MDGA2: variants seen among roughly 807,000 people sequenced by gnomAD.
MDGA2 encodes MAM domain-containing glycosylphosphatidylinositol anchor protein 2.
MDGA2 carries 40 observed loss-of-function variants against 117.8 expected under a neutral mutation model. That is an observed-to-expected ratio of 0.34 (90% confidence interval 0.26 to 0.44). MDGA2 has a LOEUF of 0.44. Among genes scored for constraint, MDGA2 ranks in the 20% least tolerant of loss-of-function variants. The pLI is 1.00. For synonymous variants in MDGA2, 452 were observed against 439.0 expected (o/e 1.03, Z -0.37); for missense variants, 1,123 against 1,250.6 (o/e 0.90, Z 1.54).
intron 7 of MDGA2, among the ~76,000 whole-genome samples, chr14:47,059,701 G>T (rs1179394925): frequency 6.6e-6 from 1 of 152,004 alleles, no homozygotes; most frequent in East Asian, 1.9e-4. Context: ...TTAGATAAAA[G>T]CATTGATTCT....
At position 46,873,499 on chromosome 14, in the gene MDGA2, G is replaced by A; in HGVS notation, c.2686C>T (p.Pro896Ser). ...SPVFSIAPKNPYGPTNTAYCF... is the reference protein window; with the variant it reads ...SPVFSIAPKNSYGPTNTAYCF... The stretch of plus-strand genomic sequence containing the variant: ...TATGCAGTGTTTGTGGGTCCATAAG[G>A]GTTTTTGGGAGCTATGCTGAAAACA... Residue 896 changes from proline to serine, a missense_variant, in exon 14 of 17, where the codon CCT (proline) becomes TCT (serine). This residue lies in a region of MDGA2 where 890 missense variants were observed against 1,050.3 expected (regional missense o/e 0.85). Coordinates refer to ENST00000399232, the MANE Select transcript of MDGA2 (RefSeq NM_001113498.3). 1 of 1,612,544 alleles carries A rather than the reference G, an allele frequency of 6.2e-7. No homozygotes were observed. The highest frequency in any genetic ancestry group is 1.1e-5 in the South Asian group (1 of 91,040).
intron 4 of MDGA2, among the ~76,000 whole-genome samples, chr14:47,133,118 A>AAAC (rs796165368): frequency 1.3e-5 from 2 of 150,742 alleles, no homozygotes; most frequent in African/African-American, 4.9e-5. Context: ...AAAAAAAAAA[A>AAAC]AAACAAACAA....
At chr14:47,353,367 A>G (rs1470202355) in intron 1 of MDGA2, among the ~76,000 whole-genome samples, 1 of 152,174 alleles carries the variant, frequency 6.6e-6, no homozygotes, top group Non-Finnish European at 1.5e-5. Flanking sequence ...ATTGTGTCGG[A>G]TGTATGGTCA....
rs111339990 is a variant in MDGA2 at position 47,139,841 on chromosome 14, T to C, written c.792+4237A>G. ...ACACATATATATACACATATATATA[T>C]ACACACATATATATACACATATATA... is the stretch of plus-strand genomic sequence containing the variant. On this transcript the variant is annotated intron_variant, in intron 4 of 16. Coordinates refer to ENST00000399232, the MANE Select transcript of MDGA2 (RefSeq NM_001113498.3). Among the ~76,000 whole-genome samples the C allele has an allele frequency of 7.6e-5, 11 of 145,110 alleles. No homozygotes were observed. In the East Asian group the frequency reaches 8.0e-4, roughly 11 times the overall value.
chr14:47,457,192 T>C (rs548314896), intron 1 of MDGA2, among the ~76,000 whole-genome samples: 15 of 152,330 alleles, frequency 9.8e-5, no homozygotes, highest in South Asian at 2.1e-4. Flanking sequence ...TTAATGTTTC[T>C]TCTTGGAATA....
intron 7 of MDGA2, among the ~76,000 whole-genome samples, chr14:47,053,862 T>C (rs574419342): frequency 9.9e-5 from 15 of 151,792 alleles, no homozygotes; most frequent in African/African-American, 3.6e-4. Context: ...TTGCAAATAT[T>C]CCAAATTGCC....
intron 1 of MDGA2, chr14:47,626,653 G>C (rs541963086): frequency 1.1e-3 from 170 of 152,670 alleles, no homozygotes; most frequent in Non-Finnish European, 1.8e-3. Flanking sequence ...CACTGGGAGC[G>C]GCCGGCCAGC....
At chr14:47,349,876 T>G (rs1463365604) in intron 1 of MDGA2, among the ~76,000 whole-genome samples, 1 of 152,208 alleles carries the variant, frequency 6.6e-6, no homozygotes, top group African/African-American at 2.4e-5. Flanking sequence ...TGGCCCTCCT[T>G]TGCCTGCTGC....
chr14:46,904,799 G>A (rs538435024), intron 10 of MDGA2, among the ~76,000 whole-genome samples: 1 of 152,104 alleles, frequency 6.6e-6, no homozygotes. Flanking sequence ...GATGAAACTC[G>A]ACTAGAAACC....
intron 1 of MDGA2, among the ~76,000 whole-genome samples, chr14:47,442,969 T>G (rs984108268): frequency 6.6e-6 from 1 of 152,158 alleles, no homozygotes; most frequent in Non-Finnish European, 1.5e-5. Context: ...AGTTATCAGA[T>G]GGACTGTCAC....
intron 1 of MDGA2, among the ~76,000 whole-genome samples, chr14:47,304,726 TG>T (rs1889388224): frequency 6.6e-6 from 1 of 152,176 alleles, no homozygotes; most frequent in Admixed American, 6.5e-5. Flanking sequence ...TCGCTGTGCA[TG>T]GGTGGCATTT....
At chr14:47,592,410 A>C (rs1344400803) in intron 1 of MDGA2, among the ~76,000 whole-genome samples, 1 of 152,210 alleles carries the variant, frequency 6.6e-6, no homozygotes, top group Non-Finnish European at 1.5e-5. Flanking sequence ...ATACAGAACC[A>C]AAACAGAGCC....
At chr14:47,289,416 G>A (rs760188747) in intron 2 of MDGA2, among the ~76,000 whole-genome samples, 1 of 149,250 alleles carries the variant, frequency 6.7e-6, no homozygotes, top group African/African-American at 2.5e-5. Context: ...ATCATTTCAT[G>A]ATTAAAAAAG....
In MDGA2 at chr14:47,059,192, T is replaced by C. The variant is rs143602323; in HGVS notation, c.1525+2057A>G. ...TGTTAGTTAATAATTATCTGTTTAG[T>C]ACCTTCTATGTGCCATGTATTGTTT... is the stretch of plus-strand genomic sequence containing the variant. On this transcript the variant is annotated intron_variant, in intron 7 of 16. Transcript: ENST00000399232. 211 of 835,350 alleles carry C rather than the reference T, an allele frequency of 2.5e-4. 2 individuals are homozygous for C. In the African/African-American group the frequency reaches 3.3e-3, roughly 13 times the overall value. The allele number at this position is 835,350 out of a possible 1,614,324, so 51.7% of individuals were successfully genotyped here.
intron 1 of MDGA2, among the ~76,000 whole-genome samples, chr14:47,543,103 TG>T (rs1165813154): frequency 1.3e-5 from 2 of 152,124 alleles, no homozygotes; most frequent in Non-Finnish European, 2.9e-5. Flanking sequence ...CCCAGCTACT[TG>T]GGAGCTGAGG....
intron 1 of MDGA2, among the ~76,000 whole-genome samples, chr14:47,442,949 T>C (rs1893044014): frequency 6.6e-6 from 1 of 152,120 alleles, no homozygotes; most frequent in Admixed American, 6.6e-5. Flanking sequence ...TTTAGTCACT[T>C]AACCATCTCA....
rs1162548240 is a variant in MDGA2 at position 46,947,263 on chromosome 14, T to C, written c.2089+10111A>G. ...TGAAGACATAACTCCATTATCTCTC[T>C]GCATGTCAAGTTGCACAAAGTTTAA... is the stretch of plus-strand genomic sequence containing the variant. On this transcript the variant is annotated intron_variant, in intron 9 of 16. Coordinates refer to ENST00000399232, the MANE Select transcript of MDGA2 (RefSeq NM_001113498.3). Among the ~76,000 whole-genome samples, 3 of 152,248 alleles carry C rather than the reference T, an allele frequency of 2.0e-5. No homozygotes were observed. The East Asian group carries it at 5.8e-4, about 29-fold the overall frequency.
At chr14:46,984,467 A>G (rs1886794452) in intron 8 of MDGA2, among the ~76,000 whole-genome samples, 1 of 152,026 alleles carries the variant, frequency 6.6e-6, no homozygotes, top group Non-Finnish European at 1.5e-5. Context: ...ATTTCCAATT[A>G]GAAAATAGAT....
At chr14:47,276,765 A>G (rs1017917143) in intron 2 of MDGA2, among the ~76,000 whole-genome samples, 1 of 152,200 alleles carries the variant, frequency 6.6e-6, no homozygotes, top group Admixed American at 6.5e-5. Context: ...GGTCTGAAGT[A>G]CACATCTTTT....
Sources: gnomAD v4.1 joint callset for allele counts (sites outside exome capture counted in the v4.1 genomes callset) on GRCh38, gnomAD v4.1.1 for gene constraint, gnomAD v4.1.1 regional missense constraint, MANE v1.5 for transcripts, NCBI Gene and HGNC (gene_info 2026-07-23, HGNC 2026-07-21) for gene names.